Variants in GAB1 observed in about 807,000 individuals in gnomAD.
GAB1 encodes the protein GRB2-associated-binding protein 1.
In GAB1, 19 loss-of-function variants were observed where a neutral mutation model predicts 66.5. The observed-to-expected ratio is 0.29, with a 90% confidence interval of 0.20 to 0.42. The LOEUF is 0.42. Among genes scored for constraint, GAB1 ranks in the 10% least tolerant of loss-of-function variants. The probability of loss-of-function intolerance (pLI) is 1.00; values close to 1 mark genes in which losing one functional copy is unlikely to be tolerated. For missense variants in GAB1, 732 were observed against 858.5 expected (o/e 0.85, Z 1.84); for synonymous variants, 294 against 301.4 (o/e 0.98, Z 0.25).
chr4:143,400,585 C>T (rs913969879), intron 1 of GAB1, among the ~76,000 whole-genome samples: 3 of 151,978 alleles, frequency 2.0e-5, no homozygotes, highest in Non-Finnish European at 2.9e-5. Flanking sequence ...TTAATTCTTC[C>T]TTTATCTTTG....
chr4:143,438,655 T>C (rs959651977), intron 4 of GAB1, 55 bp downstream of exon 4: 2 of 1,534,150 alleles, frequency 1.3e-6, no homozygotes, highest in Non-Finnish European at 1.8e-6. Flanking sequence ...AAATCGATTT[T>C]TCTGAATATT....
At chr4:143,350,067 A>G (rs1581215047) in intron 1 of GAB1, 1 of 1,480,954 alleles carries the variant, frequency 6.8e-7, no homozygotes, top group Non-Finnish European at 9.2e-7. Context: ...TCCCCATCCC[A>G]GGGCCACCAG....
chr4:143,453,417 G>C (rs1182077371), intron 6 of GAB1, among the ~76,000 whole-genome samples: 1 of 152,032 alleles, frequency 6.6e-6, no homozygotes, highest in Non-Finnish European at 1.5e-5. Flanking sequence ...CGAGTGAAAG[G>C]CTTACTGATT....
intron 1 of GAB1, among the ~76,000 whole-genome samples, chr4:143,372,265 C>A (rs1407920075): frequency 2.0e-5 from 3 of 152,160 alleles, no homozygotes; most frequent in African/African-American, 7.2e-5. Flanking sequence ...GCTAGTTCTT[C>A]CGTTTGCTAT....
At chr4:143,376,928 C>G (rs1039304435) in intron 1 of GAB1, 2 of 152,270 alleles carry the variant, frequency 1.3e-5, no homozygotes, top group Non-Finnish European at 2.9e-5. Flanking sequence ...CCCTATCATT[C>G]TTAGTCTGTC....
intron 8 of GAB1, among the ~76,000 whole-genome samples, chr4:143,464,537 A>G (rs1302621330): frequency 2.0e-5 from 3 of 152,102 alleles, no homozygotes; most frequent in Non-Finnish European, 4.4e-5. Flanking sequence ...GCCATTTTAT[A>G]TATTTTTTTA....
intron 1 of GAB1, among the ~76,000 whole-genome samples, chr4:143,341,942 A>G (rs769926023): frequency 1.2e-4 from 19 of 152,186 alleles, no homozygotes; most frequent in Admixed American, 2.0e-4. Context: ...CAATCAATGG[A>G]TTCTGATGTT....
intron 2 of GAB1, 46 bp downstream of exon 2, chr4:143,415,817 T>C: frequency 7.4e-7 from 1 of 1,356,282 alleles, no homozygotes; most frequent in Non-Finnish European, 1.0e-6. Flanking sequence ...TCTTTTCTGC[T>C]ACATTTCCAG....
chr4:143,394,010 A>T (rs143478490), intron 1 of GAB1, among the ~76,000 whole-genome samples: 54 of 152,314 alleles, frequency 3.5e-4, no homozygotes, highest in African/African-American at 1.1e-3. Flanking sequence ...GCTGTGGCTC[A>T]CACCTGTAAT....
intron 6 of GAB1, among the ~76,000 whole-genome samples, chr4:143,442,790 TC>T (rs1005173699): frequency 2.6e-4 from 40 of 152,182 alleles, no homozygotes; most frequent in African/African-American, 9.4e-4. Flanking sequence ...TTGTGTTCAT[TC>T]TTTTAAAATT....
intron 1 of GAB1, among the ~76,000 whole-genome samples, chr4:143,338,021 T>C (rs183035161): frequency 1.3e-5 from 2 of 152,248 alleles, no homozygotes; most frequent in East Asian, 3.9e-4. Flanking sequence ...CCAGAAGGGA[T>C]TTCAGTTGCG....
intron 8 of GAB1, among the ~76,000 whole-genome samples, chr4:143,463,593 A>T (rs182787359): frequency 6.0e-4 from 90 of 150,376 alleles, no homozygotes; most frequent in Non-Finnish European, 1.1e-3. Flanking sequence ...ACTGCCCTGC[A>T]GCCCAGGCAA....
At chr4:143,350,166 A>G in intron 1 of GAB1, 1 of 728,848 alleles carries the variant, frequency 1.4e-6, no homozygotes, top group African/African-American at 1.8e-5. Flanking sequence ...AAATATTAAG[A>G]CACTTTTTGT....
At position 143,474,553 on chromosome 4, in the gene GAB1, A is replaced by C. The variant is rs1736192492; in HGVS notation, c.*5364A>C. On this transcript the variant is annotated 3_prime_UTR_variant, in exon 10 of 10. Coordinates refer to ENST00000262994, the MANE Select transcript of GAB1 (RefSeq NM_002039.4). Reference sequence around the variant, plus strand: ...ACAATCAGTTGATTTTAAGTAAAGCAGATTCTCATCCATAATGTTGTTGAA... The same window carrying C: ...ACAATCAGTTGATTTTAAGTAAAGCCGATTCTCATCCATAATGTTGTTGAA... The C allele has an allele frequency of 6.6e-6, 1 of 152,110 alleles. No homozygotes were observed. The highest frequency in any genetic ancestry group is 1.5e-5 in the Non-Finnish European group (1 of 68,042). The allele number at this position is 152,110 out of a possible 1,614,324, so 9.4% of individuals were successfully genotyped here.
chr4:143,382,490 T>C (rs1730697546), intron 1 of GAB1, among the ~76,000 whole-genome samples: 1 of 152,248 alleles, frequency 6.6e-6, no homozygotes, highest in Admixed American at 6.5e-5. Flanking sequence ...ACTATGCTTT[T>C]GTTATTTTGG....
chr4:143,449,361 C>T (rs1394502388), intron 6 of GAB1, among the ~76,000 whole-genome samples: 63 of 151,028 alleles, frequency 4.2e-4, no homozygotes, highest in African/African-American at 1.4e-3. Context: ...CTTTCTGTCT[C>T]GTTGATCTGT....
At chr4:143,353,887 T>C (rs1169413293) in intron 1 of GAB1, among the ~76,000 whole-genome samples, 1 of 152,206 alleles carries the variant, frequency 6.6e-6, no homozygotes, top group African/African-American at 2.4e-5. Context: ...CTGTCTTTCA[T>C]GTTCTCTCCC....
chr4:143,372,809 C>G (rs1249074026), intron 1 of GAB1, among the ~76,000 whole-genome samples: 1 of 152,168 alleles, frequency 6.6e-6, no homozygotes, highest in Non-Finnish European at 1.5e-5. Flanking sequence ...GGAGTGTTCC[C>G]TAGGCCAAAC....
chr4:143,425,249 C>T (rs1578695479), intron 2 of GAB1: 4 of 963,228 alleles, frequency 4.2e-6, no homozygotes, highest in East Asian at 4.8e-5. Context: ...CCATTGTTGC[C>T]GTTGAAAACC....
Sources: allele counts gnomAD v4.1 joint callset (sites outside exome capture counted in the v4.1 genomes callset), GRCh38; gene constraint gnomAD v4.1.1; transcripts MANE v1.5; gene names NCBI Gene and HGNC (gene_info 2026-07-23, HGNC 2026-07-21).